IFT80: variants seen among roughly 807,000 people sequenced by gnomAD.
IFT80 encodes the protein intraflagellar transport 80, also known as intraflagellar transport protein 80 homolog.
Under a neutral mutation model 107.9 loss-of-function variants are expected in IFT80, and 79 were observed. The ratio of observed to expected loss-of-function variants is 0.73; its 90% CI spans 0.61 to 0.88. IFT80 has a LOEUF of 0.88. IFT80 is among the 40% of genes least tolerant of loss of function. The probability of loss-of-function intolerance (pLI) is 0.00; values close to 1 mark genes in which losing one functional copy is unlikely to be tolerated. For missense variants in IFT80, 797 were observed against 914.2 expected, an observed-to-expected ratio of 0.87 and a Z score of 1.65; for synonymous variants, 299 against 300.9, an observed-to-expected ratio of 0.99 and a Z score of 0.07.
intron 13 of IFT80, among the ~76,000 whole-genome samples, chr3:160,284,994 C>T (rs921654572): frequency 1.3e-5 from 2 of 152,034 alleles, no homozygotes; most frequent in African/African-American, 4.8e-5. Context: ...ACACTGTATA[C>T]TTTTTAATGC....
chr3:160,322,003 G>T (rs947067595), intron 8 of IFT80, among the ~76,000 whole-genome samples: 122 of 146,472 alleles, frequency 8.3e-4, no homozygotes, highest in African/African-American at 3.0e-3. Flanking sequence ...TTGTCAGCTT[G>T]TTATTTATTT....
chr3:160,283,696 A>C (rs1304442850), intron 13 of IFT80, among the ~76,000 whole-genome samples: 1 of 152,210 alleles, frequency 6.6e-6, no homozygotes, highest in Admixed American at 6.5e-5. Context: ...ATCAGAACCT[A>C]GTGTATTCTT....
intron 19 of IFT80, among the ~76,000 whole-genome samples, chr3:160,265,504 TA>T: frequency 6.6e-6 from 1 of 152,216 alleles, no homozygotes. Context: ...TTTAATATAA[TA>T]AATGTATTCT....
rs753617262 is a variant in IFT80 at position 160,303,940 on chromosome 3, C to A, written c.1126G>T (p.Val376Phe). ...PIIFDLKEGTVSLILQAERHF... is the reference protein window; with the variant it reads ...PIIFDLKEGTFSLILQAERHF... ...CTTTCTGCCTGCAGAATCAAACTAA[C>A]AGTTCCTTCTTTGAGATCAAATATA... is the stretch of plus-strand genomic sequence containing the variant. The change falls in exon 11 of 20, where the codon GTT becomes TTT. Residue 376 changes from valine (V) to phenylalanine (F), a missense_variant. Physicochemically the swap from Val to Phe is conservative, Grantham distance 50. Coordinates refer to ENST00000326448, the MANE Select transcript of IFT80 (RefSeq NM_020800.3). 6.2e-7 allele frequency: 1 copy of A among 1,611,054 alleles called. No individual in the cohort carries two copies. The highest frequency in any genetic ancestry group is 1.1e-5 in the South Asian group (1 of 90,972).
intron 18 of IFT80, among the ~76,000 whole-genome samples, chr3:160,274,153 G>A (rs561220276): frequency 2.0e-5 from 3 of 152,230 alleles, no homozygotes; most frequent in African/African-American, 7.2e-5. Context: ...AGCCTTAAAG[G>A]ACTGGAGATT....
At chr3:160,377,364 T>C in intron 4 of IFT80, 66 bp downstream of exon 4, 1 of 924,356 alleles carries the variant, frequency 1.1e-6, no homozygotes, top group Non-Finnish European at 1.8e-6. Flanking sequence ...AATGAAAATA[T>C]TCTGTTTCTT....
At chr3:160,342,927 T>C (rs114918617) in intron 8 of IFT80, 3 of 153,590 alleles carry the variant, frequency 2.0e-5, no homozygotes, top group Admixed American at 1.3e-4. Flanking sequence ...GGAAACAGTA[T>C]CGTGGTTTGT....
intron 12 of IFT80, among the ~76,000 whole-genome samples, chr3:160,300,439 C>A (rs1716334695): frequency 6.6e-6 from 1 of 151,930 alleles, no homozygotes. Context: ...GTTATTCATA[C>A]CTTTCTTTCA....
chr3:160,333,365 A>G (rs73154558), intron 8 of IFT80, among the ~76,000 whole-genome samples: 2,794 of 152,310 alleles, frequency 0.018, 35 homozygotes, highest in Non-Finnish European at 0.03. Flanking sequence ...CTTCAATAAC[A>G]AATTAACTTC....
chr3:160,264,718 G>T (rs1713154386), intron 19 of IFT80, among the ~76,000 whole-genome samples: 1 of 151,968 alleles, frequency 6.6e-6, no homozygotes, highest in Admixed American at 6.6e-5. Context: ...GGGATTATGG[G>T]TGTGAGCCAC....
intron 14 of IFT80, 149 bp downstream of exon 14, chr3:160,282,329 C>T: frequency 1.6e-6 from 1 of 606,684 alleles, no homozygotes; most frequent in Non-Finnish European, 2.8e-6. Context: ...TAAACTTTCA[C>T]TCCTACTTTT....
Position 160,300,980 on chromosome 3 carries a change from A to G in IFT80, c.1218T>C (p.Ser406=). 1 of 1,608,606 alleles carries G rather than the reference A, an allele frequency of 6.2e-7. No homozygotes were observed. Among genetic ancestry groups the G allele is most frequent in the South Asian group, 1.1e-5 (1 of 90,186 alleles). ...LYSYEGRFIS[S]PKFPGMRTDI... ...CTGTTCTCATTCCAGGAAATTTTGG[A>G]GATGAAATAAAGCGCCCTTCATATG... Residue 406 remains serine (S), a synonymous_variant, in exon 12 of 20, where the codon TCT becomes TCC. Coordinates refer to ENST00000326448, the MANE Select transcript of IFT80 (RefSeq NM_020800.3).
At chr3:160,393,417 T>G (rs1419170001) in intron 1 of IFT80, among the ~76,000 whole-genome samples, 4 of 152,164 alleles carry the variant, frequency 2.6e-5, no homozygotes, top group African/African-American at 9.7e-5. Context: ...AAAAAGCTAG[T>G]ACAAAAGGAC....
intron 12 of IFT80, among the ~76,000 whole-genome samples, chr3:160,290,411 CAG>C (rs1715456407): frequency 3.4e-5 from 2 of 58,048 alleles, no homozygotes; most frequent in African/African-American, 1.3e-4. Context: ...GTCTCAAAAA[CAG>C]AAAAAAAAAA....
chr3:160,352,938 C>T (rs763579529), intron 8 of IFT80, among the ~76,000 whole-genome samples: 40 of 152,174 alleles, frequency 2.6e-4, no homozygotes, highest in Non-Finnish European at 2.4e-4. Context: ...AGCCATCCTG[C>T]CTCTAGTGTA....
intron 6 of IFT80, among the ~76,000 whole-genome samples, chr3:160,363,345 C>T (rs897405357): frequency 1.3e-5 from 2 of 152,110 alleles, no homozygotes; most frequent in Non-Finnish European, 2.9e-5. Flanking sequence ...CTACAAACCA[C>T]TGCTCGACAA....
chr3:160,389,534 T>A (rs1307778166), intron 1 of IFT80, among the ~76,000 whole-genome samples: 1 of 130,688 alleles, frequency 7.7e-6, no homozygotes, highest in Non-Finnish European at 1.6e-5. Context: ...CCTGTGTCCA[T>A]GTGTTCTCAT....
intron 8 of IFT80, among the ~76,000 whole-genome samples, chr3:160,334,234 G>A (rs1719296967): frequency 6.6e-6 from 1 of 152,278 alleles, no homozygotes; most frequent in Middle Eastern, 3.4e-3. Context: ...TGCTTTCAGT[G>A]ATATATACTA....
chr3:160,313,899 T>A (rs146046123), intron 9 of IFT80, among the ~76,000 whole-genome samples: 2 of 152,070 alleles, frequency 1.3e-5, no homozygotes, highest in Non-Finnish European at 2.9e-5. Context: ...TGAGCCATCG[T>A]GCCCGGCCTC....
Sources: gnomAD v4.1 joint callset for allele counts (sites outside exome capture counted in the v4.1 genomes callset) on GRCh38, gnomAD v4.1.1 for gene constraint, MANE v1.5 for transcripts, NCBI Gene and HGNC (gene_info 2026-07-23, HGNC 2026-07-21) for gene names.